The following COL6A6 variants were observed in gnomAD, a reference collection of about 807,000 sequenced individuals.
COL6A6 encodes the protein collagen alpha-6(VI) chain.
Under a neutral mutation model 208.6 loss-of-function variants are expected in COL6A6, and 183 were observed. The observed-to-expected ratio is 0.88, with a 90% CI of 0.78 to 0.99. COL6A6 has a LOEUF of 0.99. COL6A6 is among the 50% of genes least tolerant of loss of function. The pLI is 0.00. For missense variants in COL6A6, 2,816 were observed against 2,815.2 expected, an observed-to-expected ratio of 1.00 and a Z score of -0.01; for synonymous variants, 973 against 1,011.8, an observed-to-expected ratio of 0.96 and a Z score of 0.73.
At chr3:130,573,899 T>G (rs115357088) in intron 7 of COL6A6, 57 bp from the exon 8 acceptor site, 3 of 1,256,764 alleles carry the variant, frequency 2.4e-6, no homozygotes, top group Non-Finnish European at 3.4e-6. Context: ...TTACTCTTGG[T>G]GGATTAAGGA....
intron 1 of COL6A6, among the ~76,000 whole-genome samples, chr3:130,559,982 AC>A (rs918282599): frequency 2.6e-5 from 4 of 152,274 alleles, no homozygotes; most frequent in African/African-American, 9.6e-5. Flanking sequence ...CTAACTGTGA[AC>A]CCTGAATTGT....
At chr3:130,544,126 C>T (rs567275206) in intron 1 of COL6A6, among the ~76,000 whole-genome samples, 1 of 152,264 alleles carries the variant, frequency 6.6e-6, no homozygotes, top group East Asian at 1.9e-4. Flanking sequence ...ATATCTGCAA[C>T]TTTATATCTT....
At chr3:130,594,422 A>G in intron 18 of COL6A6, 79 bp downstream of exon 18, 1 of 1,088,694 alleles carries the variant, frequency 9.2e-7, no homozygotes, top group Non-Finnish European at 1.4e-6. Context: ...ATTTCAAGGT[A>G]CTACAATAGT....
At chr3:130,623,430 G>A (rs1433505112) in intron 24 of COL6A6, among the ~76,000 whole-genome samples, 1 of 152,182 alleles carries the variant, frequency 6.6e-6, no homozygotes, top group East Asian at 1.9e-4. Flanking sequence ...CTGCACTCCA[G>A]CCTGGGTGAC....
chr3:130,606,466 A>G (rs2064186395), intron 20 of COL6A6, among the ~76,000 whole-genome samples: 1 of 152,212 alleles, frequency 6.6e-6, no homozygotes, highest in East Asian at 1.9e-4. Context: ...GTCTGAACTT[A>G]ATCTATTATA....
At chr3:130,627,210 C>G in intron 25 of COL6A6, 109 bp from the exon 26 acceptor site, 1 of 970,364 alleles carries the variant, frequency 1.0e-6, no homozygotes, top group South Asian at 1.4e-5. Flanking sequence ...GATCCTGTGT[C>G]CTGCTTTTCC....
At chr3:130,641,217 T>G (rs1303360619) in intron 28 of COL6A6, among the ~76,000 whole-genome samples, 1 of 144,768 alleles carries the variant, frequency 6.9e-6, no homozygotes, top group Non-Finnish European at 1.6e-5. Context: ...AATTATCTAT[T>G]GCCTGTTACA....
In COL6A6 at chr3:130,634,573, C is replaced by T. The variant is rs755978037; in HGVS notation, c.4993-17C>T. 1.8e-5 allele frequency: 29 copies of T among 1,599,730 alleles called. No homozygotes were observed. The Admixed American group carries it at 4.8e-4, about 26-fold the overall frequency. ...GTGATGTGTGCCTGTATAAATCTTTCCTCCTGTCCATTACAGGGACAAGAA... is the reference window on the plus strand; with the variant it reads ...GTGATGTGTGCCTGTATAAATCTTTTCTCCTGTCCATTACAGGGACAAGAA... On this transcript the variant is annotated splice_polypyrimidine_tract_variant and intron_variant, in intron 26 of 36. Coordinates refer to ENST00000358511, the MANE Select transcript of COL6A6 (RefSeq NM_001102608.3).
chr3:130,615,031 C>A (rs971662106), intron 23 of COL6A6, among the ~76,000 whole-genome samples: 4 of 151,732 alleles, frequency 2.6e-5, no homozygotes, highest in Admixed American at 2.6e-4. Context: ...TTGGTTATTT[C>A]TTGTCTTCTG....
Position 130,649,511 on chromosome 3 carries a change from TC to T in COL6A6, c.5685del (p.Val1896TrpfsTer2). The T allele has an allele frequency of 6.2e-7, 1 of 1,604,530 alleles. No individual in the cohort carries two copies. Among genetic ancestry groups the T allele is most frequent in the Non-Finnish European group, 8.5e-7 (1 of 1,175,272 alleles). On this transcript the variant is annotated frameshift_variant, in exon 33 of 37. Transcript: ENST00000358511. LOFTEE classifies it high-confidence loss of function. ...AMEFGALEIIPVVITFSNVPS... is the reference protein window; with the variant it reads ...AMEFGALEIIXVVITFSNVPS... ...TGGAGTTCGGCGCGCTTGAAATCAT[TC>T]CCGTGGTGATCACTTTCAGCAACGT...
chr3:130,670,266 C>T (rs2066178961), intron 36 of COL6A6, among the ~76,000 whole-genome samples: 1 of 152,198 alleles, frequency 6.6e-6, no homozygotes, highest in Admixed American at 6.5e-5. Flanking sequence ...TTGCCGAGGA[C>T]AGTATCTTTG....
intron 1 of COL6A6, among the ~76,000 whole-genome samples, chr3:130,531,765 T>C (rs2062101893): frequency 6.6e-6 from 1 of 152,248 alleles, no homozygotes; most frequent in African/African-American, 2.4e-5. Context: ...TCCTGCTGTT[T>C]ACCAGCTTGT....
Position 130,635,735 on chromosome 3 carries a change from G to C in COL6A6, c.5065G>C (p.Gly1689Arg), listed in dbSNP as rs1218995095. Residue 1689 changes from glycine to arginine, a missense_variant, in exon 28 of 37, where the codon GGG (glycine) becomes CGG (arginine). By Grantham distance (125) the Gly-to-Arg change is moderately radical. Coordinates refer to ENST00000358511, the MANE Select transcript of COL6A6 (RefSeq NM_001102608.3). Reference sequence around the variant, plus strand: ...GGACCCTGGTGGTCCAGGAGAGACTGGGCTGAAGGGAGCTAGAGGCAAAAT... The same window carrying C: ...GGACCCTGGTGGTCCAGGAGAGACTCGGCTGAAGGGAGCTAGAGGCAAAAT... The part of the protein sequence containing the change: ...IGDPGGPGET[G>R]LKGARGKMIS... 6 of 1,612,398 alleles carry C rather than the reference G, an allele frequency of 3.7e-6. No homozygotes were observed. The highest frequency in any genetic ancestry group is 5.1e-6 in the Non-Finnish European group (6 of 1,178,758).
At position 130,661,995 on chromosome 3, in the gene COL6A6, T is replaced by G. The variant is rs377256652; in HGVS notation, c.6189T>G (p.His2063Gln). The G allele has an allele frequency of 2.3e-5, 37 of 1,613,910 alleles. No homozygotes were observed. Among genetic ancestry groups the G allele is most frequent in the Non-Finnish European group, 3.1e-5 (37 of 1,179,886 alleles). The change falls in exon 35 of 37, where the codon CAT (histidine) becomes CAG (glutamine). Residue 2063 changes from histidine (H) to glutamine (Q), a missense_variant. His to Gln is a conservative substitution (Grantham distance 24). Coordinates refer to ENST00000358511, the MANE Select transcript of COL6A6 (RefSeq NM_001102608.3). ...KQLNGDAFIG[H>Q]ALQWTLDNVF... Reference sequence around the variant, plus strand: ...TAAATGGAGATGCTTTTATTGGTCATGCCTTACAGTGGACTCTGGACAATG... The same window carrying G: ...TAAATGGAGATGCTTTTATTGGTCAGGCCTTACAGTGGACTCTGGACAATG...
At chr3:130,524,758 G>A (rs977726829) in intron 1 of COL6A6, among the ~76,000 whole-genome samples, 1 of 152,196 alleles carries the variant, frequency 6.6e-6, no homozygotes, top group Non-Finnish European at 1.5e-5. Flanking sequence ...AGTAGCAAAA[G>A]TTGTTAAGTT....
At chr3:130,568,731 T>C in intron 6 of COL6A6, 127 bp downstream of exon 6, 1 of 929,586 alleles carries the variant, frequency 1.1e-6, no homozygotes, top group South Asian at 1.8e-5. Flanking sequence ...TTTCTCCTAG[T>C]GGCTTTGACC....
chr3:130,611,334 A>G (rs139570025), intron 23 of COL6A6, among the ~76,000 whole-genome samples: 1 of 152,354 alleles, frequency 6.6e-6, no homozygotes, highest in East Asian at 1.9e-4. Context: ...GAGATTCTGC[A>G]CTTCTAGGGC....
rs1185477402 is a variant in COL6A6 at position 130,574,045 on chromosome 3, C to A, written c.3067C>A (p.Leu1023Met). ...TGACTTCAAGAAAATGAAGGAATTT[C>A]TGGCATCTGTTGTTCAAGACTTTGA... ...PNDFKKMKEF[L>M]ASVVQDFDVS... The change falls in exon 8 of 37, where the codon CTG (leucine) becomes ATG (methionine). Residue 1023 changes from leucine (L) to methionine (M), a missense_variant. Physicochemically the swap from Leu to Met is conservative, Grantham distance 15 (BLOSUM62 2). Transcript: ENST00000358511. 2 of 1,613,852 alleles carry A rather than the reference C, an allele frequency of 1.2e-6. No homozygotes were observed. Among genetic ancestry groups the A allele is most frequent in the Non-Finnish European group, 1.7e-6 (2 of 1,179,804 alleles).
chr3:130,650,242 C>G (rs1432338115), intron 33 of COL6A6, among the ~76,000 whole-genome samples: 1 of 152,158 alleles, frequency 6.6e-6, no homozygotes, highest in East Asian at 1.9e-4. Context: ...CAGTTGGCCT[C>G]TTGGCACCAC....
Sources: gnomAD v4.1 joint callset for allele counts (sites outside exome capture counted in the v4.1 genomes callset) on GRCh38, gnomAD v4.1.1 for gene constraint, MANE v1.5 for transcripts, NCBI Gene and HGNC (gene_info 2026-07-23, HGNC 2026-07-21) for gene names.